TBC1D32: variants seen among roughly 807,000 people sequenced by gnomAD.
The protein encoded by TBC1D32 is protein broad-minded.
Under a neutral mutation model 170.3 loss-of-function variants are expected in TBC1D32, and 151 were observed. The observed-to-expected ratio is 0.89, with a 90% CI of 0.78 to 1.01. The LOEUF is 1.01. Among genes scored for constraint, TBC1D32 ranks in the 50% least tolerant of loss-of-function variants. The pLI is 0.00. For missense variants in TBC1D32, 1,464 were observed against 1,457.1 expected (o/e 1.00, Z -0.08); for synonymous variants, 498 against 488.0 (o/e 1.02, Z -0.27).
At chr6:121,272,521 C>T (rs1269397377) in intron 15 of TBC1D32, among the ~76,000 whole-genome samples, 2 of 152,132 alleles carry the variant, frequency 1.3e-5, no homozygotes, top group Non-Finnish European at 2.9e-5. Context: ...CTCATCATCA[C>T]CGGCCATCAG....
At chr6:121,128,254 T>C (rs562104401) in intron 25 of TBC1D32, among the ~76,000 whole-genome samples, 73 of 152,178 alleles carry the variant, frequency 4.8e-4, no homozygotes, top group Non-Finnish European at 9.9e-4. Context: ...ACATATATTT[T>C]CAGGTATTTT....
chr6:121,293,316 C>T (rs1290527698), intron 11 of TBC1D32, among the ~76,000 whole-genome samples: 1 of 152,000 alleles, frequency 6.6e-6, no homozygotes, highest in East Asian at 1.9e-4. Context: ...TGTCCTTTTC[C>T]TTCTCTTGAA....
intron 24 of TBC1D32, among the ~76,000 whole-genome samples, chr6:121,153,707 T>C (rs1299766289): frequency 6.6e-6 from 1 of 152,082 alleles, no homozygotes; most frequent in Non-Finnish European, 1.5e-5. Flanking sequence ...AGGAGGAATC[T>C]AGAGAGGCAG....
At chr6:121,263,033 A>C (rs1199970377) in intron 15 of TBC1D32, among the ~76,000 whole-genome samples, 2 of 152,176 alleles carry the variant, frequency 1.3e-5, no homozygotes, top group East Asian at 3.9e-4. Flanking sequence ...AGTGTGCAAA[A>C]TAACCAGCTG....
chr6:121,111,918 G>C lies in TBC1D32; in HGVS notation c.3324+587C>G, dbSNP rs1779243610. 2.0e-5 allele frequency among the ~76,000 whole-genome samples: 3 copies of C among 152,080 alleles called. No homozygotes were observed. The South Asian group carries it at 6.2e-4, about 32-fold the overall frequency. On this transcript the variant is annotated intron_variant, in intron 29 of 31. Transcript: ENST00000398212. Reference sequence around the variant, plus strand: ...TATTTTTGGCAGTTTCCCCTAGTTGGAAATCTTAACAGCAAGCAATAAACA... The same window carrying C: ...TATTTTTGGCAGTTTCCCCTAGTTGCAAATCTTAACAGCAAGCAATAAACA...
chr6:121,258,256 G>C (rs559882271), intron 15 of TBC1D32, among the ~76,000 whole-genome samples: 1 of 152,162 alleles, frequency 6.6e-6, no homozygotes, highest in Non-Finnish European at 1.5e-5. Context: ...TGCAGTTTAA[G>C]ATTACTTTGA....
chr6:121,310,488 AC>A (rs11329757), intron 4 of TBC1D32, among the ~76,000 whole-genome samples: 17,428 of 152,262 alleles, frequency 0.11, 1,418 homozygotes, highest in Admixed American at 0.23. Flanking sequence ...ATATAAAATA[AC>A]AGTGAAAGAA....
At chr6:121,193,376 T>G (rs917645830) in intron 22 of TBC1D32, among the ~76,000 whole-genome samples, 1 of 152,160 alleles carries the variant, frequency 6.6e-6, no homozygotes, top group African/African-American at 2.4e-5. Context: ...AGTGGATTAG[T>G]AACTAGACCT....
chr6:121,273,940 C>G (rs1026126079), intron 15 of TBC1D32, among the ~76,000 whole-genome samples: 2 of 152,182 alleles, frequency 1.3e-5, no homozygotes, highest in Admixed American at 1.3e-4. Flanking sequence ...CACCATGTGG[C>G]TGTGCTGGAG....
chr6:121,189,838 C>G (rs1284484411), intron 22 of TBC1D32, among the ~76,000 whole-genome samples: 2 of 152,018 alleles, frequency 1.3e-5, no homozygotes, highest in Non-Finnish European at 2.9e-5. Context: ...GAAGAGACTG[C>G]TAGGCCCAGA....
At chr6:121,251,746 A>C (rs1798319122) in intron 17 of TBC1D32, among the ~76,000 whole-genome samples, 1 of 152,188 alleles carries the variant, frequency 6.6e-6, no homozygotes, top group African/African-American at 2.4e-5. Context: ...AGCAAAAGAA[A>C]CTATCATCAG....
intron 13 of TBC1D32, 48 bp downstream of exon 13, chr6:121,283,770 A>G: frequency 7.2e-7 from 1 of 1,389,632 alleles, no homozygotes; most frequent in Non-Finnish European, 1.0e-6. Flanking sequence ...ATACTTAAAT[A>G]TTTTTAGATG....
chr6:121,328,317 G>A (rs934081583), intron 1 of TBC1D32, among the ~76,000 whole-genome samples: 4 of 150,958 alleles, frequency 2.6e-5, no homozygotes, highest in East Asian at 1.9e-4. Flanking sequence ...ACGGAGTCTC[G>A]CTCTGTCACC....
In TBC1D32 at chr6:121,279,912, G is replaced by T. The variant is rs141076228; in HGVS notation, c.1609-667C>A. ...TACAGTATTATAATTCCTGCTCTTT[G>T]TGGGGTCTGCTTATTTACCTGTACC... On this transcript the variant is annotated intron_variant, in intron 14 of 31. Coordinates refer to ENST00000398212, the MANE Select transcript of TBC1D32 (RefSeq NM_152730.6). Among the ~76,000 whole-genome samples the T allele has an allele frequency of 5.9e-5, 9 of 152,040 alleles. No homozygotes were observed. The East Asian group carries it at 1.4e-3, about 23-fold the overall frequency.
intron 24 of TBC1D32, among the ~76,000 whole-genome samples, chr6:121,137,662 A>G (rs1782282379): frequency 6.6e-6 from 1 of 151,922 alleles, no homozygotes; most frequent in Non-Finnish European, 1.5e-5. Context: ...GGGATATTAT[A>G]TAATTATTTT....
At chr6:121,319,077 T>C (rs146946731) in intron 2 of TBC1D32, among the ~76,000 whole-genome samples, 2,788 of 150,058 alleles carry the variant, frequency 0.019, 32 homozygotes, top group South Asian at 0.041. Context: ...TTAAATGTAA[T>C]ATTTAATATG....
chr6:121,178,703 T>C (rs181605153), intron 22 of TBC1D32, among the ~76,000 whole-genome samples: 2 of 152,266 alleles, frequency 1.3e-5, no homozygotes, highest in East Asian at 1.9e-4. Context: ...ATACAATGGA[T>C]GTGATTACAA....
At chr6:121,241,106 T>G (rs1295818440) in intron 19 of TBC1D32, among the ~76,000 whole-genome samples, 1 of 152,112 alleles carries the variant, frequency 6.6e-6, no homozygotes, top group African/African-American at 2.4e-5. Flanking sequence ...CAATAAGCAT[T>G]AGATAATCCT....
intron 14 of TBC1D32, among the ~76,000 whole-genome samples, chr6:121,280,918 T>G (rs941883975): frequency 6.6e-6 from 1 of 151,824 alleles, no homozygotes; most frequent in Non-Finnish European, 1.5e-5. Context: ...CCCAGAAGCT[T>G]AAGTCATACA....
Sources: gnomAD v4.1 joint callset for allele counts (sites outside exome capture counted in the v4.1 genomes callset) on GRCh38, gnomAD v4.1.1 for gene constraint, MANE v1.5 for transcripts, NCBI Gene and HGNC (gene_info 2026-07-23, HGNC 2026-07-21) for gene names.